The following TBC1D19 variants were observed in gnomAD, a reference collection of about 807,000 sequenced individuals.
The protein encoded by TBC1D19 is TBC1 domain family member 19, also known as TBC1 domain family, member 19.
A neutral mutation model predicts 89.0 loss-of-function variants in TBC1D19; 60 were observed. That is an observed-to-expected ratio of 0.67 (90% CI 0.55 to 0.84). The LOEUF is 0.84. Among genes scored for constraint, TBC1D19 ranks in the 40% least tolerant of loss-of-function variants. The pLI, the probability that TBC1D19 is intolerant of heterozygous loss-of-function variation, is 0.00. For missense variants in TBC1D19, 500 were observed against 610.8 expected (o/e 0.82, Z 1.91); for synonymous variants, 189 against 199.7 (o/e 0.95, Z 0.45).
chr4:26,830,436 T>G, the TBC1D19 span, among the ~76,000 whole-genome samples: 1 of 152,086 alleles, frequency 6.6e-6, no homozygotes, highest in Admixed American at 6.6e-5. Flanking sequence ...AGTGGGGAGA[T>G]GGAACTGAAA....
chr4:26,816,235 A>C, the TBC1D19 span, among the ~76,000 whole-genome samples: 1 of 82,510 alleles, frequency 1.2e-5, no homozygotes, highest in Non-Finnish European at 2.4e-5. Context: ...GTAGCTTGCC[A>C]TCCCTCACTT....
chr4:26,704,609 G>T (rs528747304), intron 13 of TBC1D19, among the ~76,000 whole-genome samples: 1 of 152,220 alleles, frequency 6.6e-6, no homozygotes, highest in East Asian at 1.9e-4. Flanking sequence ...TGTGTTAGGT[G>T]CTAGCAAAAG....
rs537841693 is a variant in TBC1D19 at position 26,674,844 on chromosome 4, TTAA to T, written c.816+961_816+963del. Among the ~76,000 whole-genome samples, 32 of 152,112 alleles carry T rather than the reference TTAA, an allele frequency of 2.1e-4. No individual in the cohort carries two copies. The South Asian group carries it at 4.8e-3, about 23-fold the overall frequency. Reference sequence around the variant, plus strand: ...TAATCATGTTATAAATTAATTATAATTAATAATGATGTTTTTAAAGAAAATCAA... The same window carrying T: ...TAATCATGTTATAAATTAATTATAATTAATGATGTTTTTAAAGAAAATCAA... On this transcript the variant is annotated intron_variant, in intron 11 of 20. Coordinates refer to ENST00000264866, the MANE Select transcript of TBC1D19 (RefSeq NM_018317.4).
intron 13 of TBC1D19, among the ~76,000 whole-genome samples, chr4:26,695,237 A>T (rs1714665623): frequency 6.6e-6 from 1 of 152,228 alleles, no homozygotes; most frequent in Non-Finnish European, 1.5e-5. Context: ...CAATTCGATC[A>T]ACTGGAAGAA....
At chr4:26,840,675 C>T in the TBC1D19 span, among the ~76,000 whole-genome samples, 1 of 152,168 alleles carries the variant, frequency 6.6e-6, no homozygotes, top group Non-Finnish European at 1.5e-5. Flanking sequence ...CCTGGGCTTG[C>T]AGTCAGTGCA....
At chr4:26,776,346 T>A in the TBC1D19 span, among the ~76,000 whole-genome samples, 1 of 152,186 alleles carries the variant, frequency 6.6e-6, no homozygotes, top group Non-Finnish European at 1.5e-5. Flanking sequence ...GGATAAAATA[T>A]CTATAATCAT....
At chr4:26,798,824 A>G in the TBC1D19 span, among the ~76,000 whole-genome samples, 2,003 of 152,210 alleles carry the variant, frequency 0.013, 48 homozygotes, top group African/African-American at 0.046. Context: ...GAGCTAAACA[A>G]TGGATTCATA....
intron 14 of TBC1D19, 148 bp from the exon 15 acceptor site, chr4:26,719,933 A>C (rs1163661562): frequency 7.4e-6 from 4 of 540,130 alleles, no homozygotes; most frequent in South Asian, 8.5e-5. Context: ...TGGCTGGTAC[A>C]TTTTTAAGTT....
intron 8 of TBC1D19, among the ~76,000 whole-genome samples, chr4:26,663,708 G>T (rs191739557): frequency 1.3e-5 from 2 of 152,080 alleles, no homozygotes; most frequent in East Asian, 3.9e-4. Context: ...GTCATTATGG[G>T]TAGTTGTCCC....
At chr4:26,587,029 C>A (rs1739457118) in intron 1 of TBC1D19, among the ~76,000 whole-genome samples, 1 of 151,940 alleles carries the variant, frequency 6.6e-6, no homozygotes, top group African/African-American at 2.4e-5. Context: ...CTATTCTATC[C>A]CTAGTTTTCT....
chr4:26,669,249 A>G (rs1257902263), intron 9 of TBC1D19, among the ~76,000 whole-genome samples: 2 of 151,860 alleles, frequency 1.3e-5, no homozygotes, highest in South Asian at 2.1e-4. Context: ...ACTCAGGAGC[A>G]CTCATAAGAT....
intron 1 of TBC1D19, among the ~76,000 whole-genome samples, chr4:26,596,967 G>T (rs1482258941): frequency 2.0e-5 from 3 of 152,094 alleles, no homozygotes; most frequent in Non-Finnish European, 2.9e-5. Context: ...ATTTGCTAAG[G>T]CTTGCTTTAT....
intron 7 of TBC1D19, among the ~76,000 whole-genome samples, chr4:26,640,679 A>G (rs1743438900): frequency 6.6e-6 from 1 of 152,234 alleles, no homozygotes; most frequent in African/African-American, 2.4e-5. Flanking sequence ...AGACTGTACC[A>G]GGAAAATCAG....
the TBC1D19 span, among the ~76,000 whole-genome samples, chr4:26,768,630 A>G: frequency 1.3e-5 from 2 of 152,158 alleles, no homozygotes; most frequent in African/African-American, 4.8e-5. Flanking sequence ...AAGTAGAGAC[A>G]TGGAAGATAT....
chr4:26,713,259 A>G (rs776729746), intron 13 of TBC1D19, among the ~76,000 whole-genome samples: 2 of 152,060 alleles, frequency 1.3e-5, no homozygotes, highest in Non-Finnish European at 2.9e-5. Flanking sequence ...AAAATTGACC[A>G]CTTAACCATT....
At chr4:26,823,287 C>T in the TBC1D19 span, among the ~76,000 whole-genome samples, 16 of 152,222 alleles carry the variant, frequency 1.1e-4, no homozygotes, top group Admixed American at 2.6e-4. Flanking sequence ...TACCTCCCAC[C>T]GGGTCCCTCC....
chr4:26,707,853 TCA>T (rs1452999671), intron 13 of TBC1D19, among the ~76,000 whole-genome samples: 1 of 152,030 alleles, frequency 6.6e-6, no homozygotes, highest in Non-Finnish European at 1.5e-5. Context: ...CTCACCCCTT[TCA>T]CTTGATGATA....
chr4:26,643,975 A>C (rs1577860359), intron 7 of TBC1D19, among the ~76,000 whole-genome samples: 1 of 152,222 alleles, frequency 6.6e-6, no homozygotes, highest in East Asian at 1.9e-4. Flanking sequence ...ATGGATTCAC[A>C]GCCGAATTCT....
At chr4:26,800,879 T>C in the TBC1D19 span, among the ~76,000 whole-genome samples, 58 of 152,386 alleles carry the variant, frequency 3.8e-4, no homozygotes, top group East Asian at 0.011. Context: ...GTAAATTTGT[T>C]TGAGTTCATT....
Sources: allele counts gnomAD v4.1 joint callset (sites outside exome capture counted in the v4.1 genomes callset), GRCh38; gene constraint gnomAD v4.1.1; transcripts MANE v1.5; gene names NCBI Gene and HGNC (gene_info 2026-07-23, HGNC 2026-07-21).